ZNF780A: variants seen among roughly 807,000 people sequenced by gnomAD.
ZNF780A encodes zinc finger protein 780A.
Under a neutral mutation model 56.7 loss-of-function variants are expected in ZNF780A, and 40 were observed. The observed-to-expected ratio is 0.71, with a 90% CI of 0.55 to 0.92. The LOEUF (loss-of-function observed/expected upper bound fraction) is 0.92. ZNF780A is among the 40% of genes least tolerant of loss of function. ZNF780A has a pLI of 0.00. For missense variants in ZNF780A, 672 were observed against 783.3 expected (o/e 0.86, Z 1.70); for synonymous variants, 231 against 248.3 (o/e 0.93, Z 0.66).
rs7260378 is a variant in ZNF780A at position 40,087,733 on chromosome 19, T to G, written c.-46+2433A>C. 6.9e-3 allele frequency among the ~76,000 whole-genome samples: 1,053 copies of G among 152,110 alleles called. 15 individuals are homozygous for G. The highest frequency in any genetic ancestry group is 0.025 in the African/African-American group (1,017 of 41,468). On this transcript the variant is annotated intron_variant, in intron 2 of 5. Coordinates refer to ENST00000683561, the MANE Select transcript of ZNF780A (RefSeq NM_001142578.2). Reference sequence around the variant, plus strand: ...TTGAGCAAAAGGAACAAAGTTGGACTCATCAAAACTATCTGACTTCAAGAT... The same window carrying G: ...TTGAGCAAAAGGAACAAAGTTGGACGCATCAAAACTATCTGACTTCAAGAT...
rs1383300558 is a variant in ZNF780A, at chr19:40,083,607, T to A, written c.10-370A>T. Among the ~76,000 whole-genome samples, 3 of 144,258 alleles carry A rather than the reference T, an allele frequency of 2.1e-5. No individual in the cohort carries two copies. The Admixed American group carries it at 2.2e-4, about 11-fold the overall frequency. 94.6% of individuals were successfully genotyped at this position (144,258 alleles called of 152,430 possible). A position where few individuals can be genotyped will look rare whatever the true frequency, so the allele number is the denominator to read the frequency against. On this transcript the variant is annotated intron_variant, in intron 3 of 5. Transcript: ENST00000683561. ...TGAGCCCAGGAGTTCAAGGCTATAG[T>A]GAACTGTGATCACGCCACTGCACTC... is the stretch of plus-strand genomic sequence containing the variant.
chr19:40,085,964 ATG>A (rs1231925542), intron 2 of ZNF780A, among the ~76,000 whole-genome samples: 5 of 151,204 alleles, frequency 3.3e-5, no homozygotes, highest in Non-Finnish European at 4.4e-5. Flanking sequence ...GTATATATAT[ATG>A]TGTGTGTGTA....
At chr19:40,073,037 A>G, downstream of ZNF780A, 2 of 1,490,794 alleles carry the variant, frequency 1.3e-6, no homozygotes, top group South Asian at 2.8e-5. Flanking sequence ...TAATTATGGT[A>G]CAATGGCTAT....
Position 40,081,853 on chromosome 19 carries a change from C to T in ZNF780A, c.198G>A (p.Met66Ile), listed in dbSNP as rs775389486. 9.3e-6 allele frequency: 15 copies of T among 1,612,998 alleles called. No individual in the cohort carries two copies. The South Asian group carries it at 1.5e-4, about 17-fold the overall frequency. Residue 66 changes from methionine (M) to isoleucine (I), a missense_variant, in exon 5 of 6, where the codon ATG becomes ATA. Coordinates refer to ENST00000683561, the MANE Select transcript of ZNF780A (RefSeq NM_001142578.2). ...TLLEQEKEPW[M>I]VVRKETSRRY... ...GTCTGCTTGTTTCTTTCCTTACAAC[C>T]ATCCAGGGCTCTTTCTCTTGCTCTA...
At chr19:40,083,874 G>A (rs1287230062) in intron 3 of ZNF780A, among the ~76,000 whole-genome samples, 3 of 151,592 alleles carry the variant, frequency 2.0e-5, no homozygotes. Flanking sequence ...GGCCTCTAAG[G>A]ATTTCCCCAA....
chr19:40,088,248 T>C (rs762890650), intron 2 of ZNF780A, among the ~76,000 whole-genome samples: 4 of 151,814 alleles, frequency 2.6e-5, no homozygotes, highest in Non-Finnish European at 4.4e-5. Flanking sequence ...TGAGAGAAAA[T>C]ATTTGCAACC....
rs181730411 is a variant in ZNF780A at position 40,073,558 on chromosome 19, G to C, written c.*958C>G. On this transcript the variant is annotated 3_prime_UTR_variant, in exon 6 of 6. Coordinates refer to ENST00000683561, the MANE Select transcript of ZNF780A (RefSeq NM_001142578.2). The stretch of plus-strand genomic sequence containing the variant: ...TATCTGGTAAATTATTTCATAGGGA[G>C]TACATTGTGAACATGACAACTACCC... The C allele has an allele frequency of 1.0e-6, 1 of 985,818 alleles. No homozygotes were observed. The highest frequency in any genetic ancestry group is 1.1e-4 in the East Asian group (1 of 8,820). 61.1% of individuals were successfully genotyped at this position (985,818 alleles called of 1,614,324 possible). A position where few individuals can be genotyped will look rare whatever the true frequency, so the allele number is the denominator to read the frequency against.
intron 5 of ZNF780A, among the ~76,000 whole-genome samples, chr19:40,081,605 G>A (rs999663621): frequency 2.0e-5 from 3 of 151,966 alleles, no homozygotes; most frequent in African/African-American, 7.3e-5. Context: ...GGAAATAAGA[G>A]AACAGAAATT....
chr19:40,084,939 C>CCA, intron 2 of ZNF780A, 141 bp from the exon 3 acceptor site: 1 of 1,128,548 alleles, frequency 8.9e-7, no homozygotes, highest in Non-Finnish European at 1.2e-6. Context: ...CCCCTTGCCC[C>CCA]CACACACACT....
In ZNF780A at chr19:40,073,209, G is replaced by A. The variant is rs992358622; in HGVS notation, c.*1307C>T. The A allele has an allele frequency of 1.5e-6, 1 of 667,248 alleles. No homozygotes were observed. The highest frequency in any genetic ancestry group is 1.9e-5 in the African/African-American group (1 of 52,808). 41.3% of individuals were successfully genotyped at this position (667,248 alleles called of 1,614,324 possible). ...ATTTTGAATCTAGGTTGGGGTATATGATTGTATATTTGACTATTCTTTCAA... is the reference window on the plus strand; with the variant it reads ...ATTTTGAATCTAGGTTGGGGTATATAATTGTATATTTGACTATTCTTTCAA... On this transcript the variant is annotated 3_prime_UTR_variant, in exon 6 of 6. Coordinates refer to ENST00000683561, the MANE Select transcript of ZNF780A (RefSeq NM_001142578.2).
intron 3 of ZNF780A, among the ~76,000 whole-genome samples, chr19:40,083,668 A>G (rs1275754616): frequency 6.6e-5 from 9 of 136,400 alleles, no homozygotes; most frequent in Admixed American, 5.8e-4. Flanking sequence ...TGTCTCAGAG[A>G]AAAAAAAAAA....
At chr19:40,088,753 C>T (rs186816) in intron 2 of ZNF780A, among the ~76,000 whole-genome samples, 50,035 of 152,040 alleles carry the variant, frequency 0.33, 12,362 homozygotes, top group African/African-American at 0.7. Flanking sequence ...TCAACCTACG[C>T]GTCTAACAAT....
chr19:40,074,737 G>A lies in ZNF780A; in HGVS notation c.1705C>T (p.His569Tyr). Residue 569 changes from histidine to tyrosine, a missense_variant, in exon 6 of 6, where the codon CAT (histidine) becomes TAT (tyrosine). His to Tyr is a moderately conservative substitution (Grantham distance 83). Transcript: ENST00000683561. ...TTCTGATGTCGAATAAGGTGCATAT[G>A]AAGTCGAAAGGCTTTCCCACATTCC... ...CKECGKAFRL[H>Y]MHLIRHQKLH... 5 of 1,613,600 alleles carry A rather than the reference G, an allele frequency of 3.1e-6. No homozygotes were observed. Among genetic ancestry groups the A allele is most frequent in the Non-Finnish European group, 4.2e-6 (5 of 1,179,864 alleles).
Position 40,083,236 on chromosome 19 carries a change from C to A in ZNF780A, c.11G>T (p.Gly4Val), listed in dbSNP as rs368684262. The stretch of plus-strand genomic sequence containing the variant: ...GGCCACATCCCTGAATGTCACTGAT[C>A]CCTGAAACCACAAACACATGTATAA... MVH[G>V]SVTFRDVAID... Residue 4 changes from glycine to valine, a missense_variant and splice_region_variant, in exon 4 of 6, where the codon GGA (glycine) becomes GTA (valine). By Grantham distance (109) the Gly-to-Val change is moderately radical (BLOSUM62 -3). Transcript: ENST00000683561. 39 of 1,613,876 alleles carry A rather than the reference C, an allele frequency of 2.4e-5. No homozygotes were observed. The highest frequency in any genetic ancestry group is 3.3e-5 in the Non-Finnish European group (39 of 1,179,984).
At chr19:40,084,879 T>C in intron 2 of ZNF780A, 81 bp from the exon 3 acceptor site, 1 of 1,478,902 alleles carries the variant, frequency 6.8e-7, no homozygotes, top group African/African-American at 1.4e-5. Context: ...CCGTTCCTAT[T>C]TCTCAACTAC....
At chr19:40,081,160 A>G (rs1038956880) in intron 5 of ZNF780A, among the ~76,000 whole-genome samples, 1 of 152,218 alleles carries the variant, frequency 6.6e-6, no homozygotes, top group Admixed American at 6.5e-5. Context: ...GACAAAATTA[A>G]ATGAGAGAAA....
rs371845332 is a variant in ZNF780A, at chr19:40,083,282, G to C, written c.10-45C>G. Reference sequence around the variant, plus strand: ...TATAATGGTGAAACTGAAGAAAGTTGTTTTAAGATGAAAGGAGAGGAAGTG... The same window carrying C: ...TATAATGGTGAAACTGAAGAAAGTTCTTTTAAGATGAAAGGAGAGGAAGTG... On this transcript the variant is annotated intron_variant, in intron 3 of 5. Transcript: ENST00000683561. 291 of 1,607,816 alleles carry C rather than the reference G, an allele frequency of 1.8e-4. No homozygotes were observed. In the African/African-American group the frequency reaches 3.4e-3, roughly 19 times the overall value.
At position 40,074,937 on chromosome 19, in the gene ZNF780A, T is replaced by C. The variant is rs1290373091; in HGVS notation, c.1505A>G (p.Glu502Gly). ...AAAAGCCTTCCCACACTCCTTACATTCATAGGGCTTCTCACCAGTGTGAAT... is the reference window on the plus strand; with the variant it reads ...AAAAGCCTTCCCACACTCCTTACATCCATAGGGCTTCTCACCAGTGTGAAT... ...QSIHTGEKPY[E>G]CKECGKAFRL... The change falls in exon 6 of 6, where the codon GAA (glutamate) becomes GGA (glycine). Residue 502 changes from glutamate (E) to glycine (G), a missense_variant. Transcript: ENST00000683561. The C allele has an allele frequency of 6.2e-7, 1 of 1,614,164 alleles. No homozygotes were observed. The highest frequency in any genetic ancestry group is 1.7e-5 in the Admixed American group (1 of 60,032).
chr19:40,084,607 TCAC>T, intron 3 of ZNF780A, 135 bp downstream of exon 3: 2 of 816,982 alleles, frequency 2.4e-6, no homozygotes, highest in Non-Finnish European at 1.9e-6. Context: ...TTTTTTTTTG[TCAC>T]CAACCTTCAC....
Sources: gnomAD v4.1 joint callset for allele counts (sites outside exome capture counted in the v4.1 genomes callset) on GRCh38, gnomAD v4.1.1 for gene constraint, MANE v1.5 for transcripts, NCBI Gene and HGNC (gene_info 2026-07-23, HGNC 2026-07-21) for gene names.